Variants in MRPL32 observed in about 807,000 individuals in gnomAD.
MRPL32 encodes the protein large ribosomal subunit protein bL32m.
A neutral mutation model predicts 21.7 loss-of-function variants in MRPL32; 14 were observed. The observed-to-expected ratio is 0.64, with a 90% CI of 0.43 to 1.01. The LOEUF is 1.01. Ranked by LOEUF, MRPL32 falls within the 50% of genes least tolerant of loss-of-function variation. The pLI is 0.00. For synonymous variants in MRPL32, 83 were observed against 87.7 expected, an observed-to-expected ratio of 0.95 and a Z score of 0.30; for missense variants, 211 against 235.9, an observed-to-expected ratio of 0.89 and a Z score of 0.69.
chr7:42,937,445 G>C lies in MRPL32; in HGVS notation c.436G>C (p.Gly146Arg), dbSNP rs1416612228. 4.3e-6 allele frequency: 7 copies of C among 1,614,102 alleles called. No homozygotes were observed. The South Asian group carries it at 5.5e-5, about 13-fold the overall frequency. Residue 146 changes from glycine (G) to arginine (R), a missense_variant, in exon 3 of 3, where the codon GGG (glycine) becomes CGG (arginine). Coordinates refer to ENST00000223324, the MANE Select transcript of MRPL32 (RefSeq NM_031903.3). ...CAGACGACAGATAGGGAAGCAAGAAGGGGGCCCTTTTAAGGCTCCCACCAT... is the reference window on the plus strand; with the variant it reads ...CAGACGACAGATAGGGAAGCAAGAACGGGGCCCTTTTAAGGCTCCCACCAT... ...EIRRQIGKQE[G>R]GPFKAPTIET...
chr7:42,937,274 C>T lies in MRPL32; in HGVS notation c.313-48C>T, dbSNP rs116362401. On this transcript the variant is annotated intron_variant, in intron 2 of 2. Coordinates refer to ENST00000223324, the MANE Select transcript of MRPL32 (RefSeq NM_031903.3). ...TTGCTCCTGTCAGTGGTTATTTGTT[C>T]GTTATATTGCCTCATGTTAAAATAC... is the stretch of plus-strand genomic sequence containing the variant. 1.4e-3 allele frequency: 2,224 copies of T among 1,611,440 alleles called. 23 individuals are homozygous for T. In the African/African-American group the frequency reaches 0.027, roughly 19 times the overall value.
At chr7:42,934,041 G>T (rs111317738) in intron 1 of MRPL32, among the ~76,000 whole-genome samples, 207 of 152,256 alleles carry the variant, frequency 1.4e-3, no homozygotes, top group African/African-American at 4.8e-3. Context: ...GGCCAAGGTG[G>T]GTCCATCACC....
chr7:42,937,257 G>A, intron 2 of MRPL32, 65 bp from the exon 3 acceptor site: 1 of 1,611,356 alleles, frequency 6.2e-7, no homozygotes, highest in Non-Finnish European at 8.5e-7. Context: ...CATTGCTCCT[G>A]TCAGTGGTTA....
chr7:42,935,101 A>C lies in MRPL32; in HGVS notation c.277A>C (p.Arg93=). Residue 93 remains arginine, a synonymous_variant, in exon 2 of 3, where the codon AGG becomes CGG. Transcript: ENST00000223324. ...NRRTIEVNRC[R]RRNPQKLIKV... ...ACGCACCATTGAAGTTAACCGGTGT[A>C]GGAGAAGAAATCCGCAGAAGCTTAT... 2 of 1,612,586 alleles carry C rather than the reference A, an allele frequency of 1.2e-6. No individual in the cohort carries two copies. The highest frequency in any genetic ancestry group is 2.2e-5 in the East Asian group (1 of 44,864).
In MRPL32 at chr7:42,935,127, T is replaced by C. The variant is rs1227703685; in HGVS notation, c.303T>C (p.Ile101=). 6.2e-7 allele frequency: 1 copy of C among 1,610,726 alleles called. No homozygotes were observed. Among genetic ancestry groups the C allele is most frequent in the African/African-American group, 1.3e-5 (1 of 74,710 alleles). ...RCRRRNPQKL[I]KVKNNIDVCP... ...GGAGAAGAAATCCGCAGAAGCTTAT[T>C]AAAGTTAAGGTAATGCATTGATTTT... Residue 101 remains isoleucine (I), a synonymous_variant, in exon 2 of 3, where the codon ATT becomes ATC. Coordinates refer to ENST00000223324, the MANE Select transcript of MRPL32 (RefSeq NM_031903.3).
chr7:42,932,398 C>A lies in MRPL32; in HGVS notation c.12C>A (p.Ala4=). The change falls in exon 1 of 3, where the codon GCC becomes GCA. Residue 4 remains alanine (A), a synonymous_variant. Transcript: ENST00000223324. MAL[A]MLVLVVSPWS... is the part of the protein sequence containing the mutation. ...TTCCAGCAGGGAAAATGGCGCTGGC[C>A]ATGCTGGTCTTGGTGGTTTCGCCGT... 6.2e-7 allele frequency: 1 copy of A among 1,609,284 alleles called. No individual in the cohort carries two copies. Among genetic ancestry groups the A allele is most frequent in the Non-Finnish European group, 8.5e-7 (1 of 1,176,924 alleles).
intron 2 of MRPL32, chr7:42,936,909 A>G (rs896515324): frequency 6.0e-6 from 2 of 332,766 alleles, no homozygotes; most frequent in Non-Finnish European, 5.9e-6. Context: ...TGTTTTCCCT[A>G]AGATAGATTG....
chr7:42,932,996 C>T (rs1267391451), intron 1 of MRPL32, among the ~76,000 whole-genome samples: 1 of 151,994 alleles, frequency 6.6e-6, no homozygotes, highest in African/African-American at 2.4e-5. Flanking sequence ...TGCTAGCTCG[C>T]AGTTGTCTTA....
At position 42,937,628 on chromosome 7, in the gene MRPL32, A is replaced by G. The variant is rs1786450691; in HGVS notation, c.*52A>G. 3 of 1,518,480 alleles carry G rather than the reference A, an allele frequency of 2.0e-6. No individual in the cohort carries two copies. Among genetic ancestry groups the G allele is most frequent in the Non-Finnish European group, 1.8e-6 (2 of 1,124,218 alleles). 94.1% of individuals were successfully genotyped at this position (1,518,480 alleles called of 1,614,324 possible). A position where few individuals can be genotyped will look rare whatever the true frequency, so the allele number is the denominator to read the frequency against. On this transcript the variant is annotated 3_prime_UTR_variant, in exon 3 of 3. Transcript: ENST00000223324. ...CACAGTAAATCATTTCTCCTGAAAT[A>G]GAGGAAGATTCTTTATGTTGTTGTG...
In MRPL32 at chr7:42,932,535, C is replaced by T; in HGVS notation, c.130+19C>T. ...CCGTGGGGTAGGTAAAGAAGGGCTC[C>T]GTGGGAGAGGGGGCTGATGACGGGA... On this transcript the variant is annotated intron_variant, in intron 1 of 2. Transcript: ENST00000223324. 3 of 1,577,372 alleles carry T rather than the reference C, an allele frequency of 1.9e-6. No homozygotes were observed. Among genetic ancestry groups the T allele is most frequent in the Non-Finnish European group, 2.6e-6 (3 of 1,155,416 alleles).
intron 1 of MRPL32, 146 bp downstream of exon 1, chr7:42,932,662 A>C: frequency 2.6e-6 from 2 of 761,528 alleles, no homozygotes; most frequent in South Asian, 6.4e-5. Flanking sequence ...TTCCCATATT[A>C]GCGAGAACAG....
chr7:42,934,454 G>C (rs991688748), intron 1 of MRPL32, among the ~76,000 whole-genome samples: 1 of 152,116 alleles, frequency 6.6e-6, no homozygotes, highest in Admixed American at 6.5e-5. Context: ...ATGTTATGAG[G>C]AACTAAGTGA....
chr7:42,935,206 T>C, intron 2 of MRPL32, 70 bp downstream of exon 2: 1 of 1,306,836 alleles, frequency 7.7e-7, no homozygotes, highest in Non-Finnish European at 1.1e-6. Context: ...GGTAGATTCC[T>C]ATAGCCTAGG....
chr7:42,935,247 C>A, intron 2 of MRPL32, 111 bp downstream of exon 2: 1 of 899,588 alleles, frequency 1.1e-6, no homozygotes, highest in South Asian at 1.8e-5. Context: ...TATGTGTCTA[C>A]TTTCCTCTGG....
rs899030791 is a variant in MRPL32 at position 42,934,975 on chromosome 7, G to A, written c.151G>A (p.Gly51Ser). Residue 51 changes from glycine to serine, a missense_variant, in exon 2 of 3, where the codon GGC becomes AGC. Gly to Ser is a moderately conservative substitution (Grantham distance 56). Transcript: ENST00000223324. ...PPWGPALAVQ[G>S]PAMFTEPAND... Reference sequence around the variant, plus strand: ...CCTAGGACCAGCATTAGCAGTACAGGGCCCAGCCATGTTTACAGAGCCAGC... The same window carrying A: ...CCTAGGACCAGCATTAGCAGTACAGAGCCCAGCCATGTTTACAGAGCCAGC... The A allele has an allele frequency of 1.2e-5, 20 of 1,611,286 alleles. No homozygotes were observed. In the Middle Eastern group the frequency reaches 8.3e-4, roughly 67 times the overall value.
chr7:42,933,464 C>T (rs1012795319), intron 1 of MRPL32, among the ~76,000 whole-genome samples: 8 of 151,288 alleles, frequency 5.3e-5, no homozygotes, highest in African/African-American at 1.9e-4. Flanking sequence ...TCCCGCTTCC[C>T]CTCTCCCCCC....
At chr7:42,936,441 G>A (rs1786423451) in intron 2 of MRPL32, 1 of 152,034 alleles carries the variant, frequency 6.6e-6, no homozygotes, top group African/African-American at 2.4e-5. Flanking sequence ...TGAGAATATG[G>A]TTAGGCAAGT....
At chr7:42,932,756 C>T (rs1216895688) in intron 1 of MRPL32, among the ~76,000 whole-genome samples, 1 of 151,326 alleles carries the variant, frequency 6.6e-6, no homozygotes, top group Non-Finnish European at 1.5e-5. Flanking sequence ...CAGAATGTAA[C>T]CCAAGCTTGT....
rs1384157673 is a variant in MRPL32 at position 42,935,079 on chromosome 7, C to G, written c.255C>G (p.Arg85=). The change falls in exon 2 of 3, where the codon CGC becomes CGG. Residue 85 remains arginine, a synonymous_variant. Coordinates refer to ENST00000223324, the MANE Select transcript of MRPL32 (RefSeq NM_031903.3). ...IFWMAAPKNR[R]TIEVNRCRRR... ...GGATGGCAGCTCCCAAAAATAGACGCACCATTGAAGTTAACCGGTGTAGGA... is the reference window on the plus strand; with the variant it reads ...GGATGGCAGCTCCCAAAAATAGACGGACCATTGAAGTTAACCGGTGTAGGA... 1 of 1,614,074 alleles carries G rather than the reference C, an allele frequency of 6.2e-7. No individual in the cohort carries two copies. The highest frequency in any genetic ancestry group is 1.7e-5 in the Admixed American group (1 of 60,004).
Sources: gnomAD v4.1 joint callset for allele counts (sites outside exome capture counted in the v4.1 genomes callset) on GRCh38, gnomAD v4.1.1 for gene constraint, MANE v1.5 for transcripts, NCBI Gene and HGNC (gene_info 2026-07-23, HGNC 2026-07-21) for gene names.